SYN2: variants seen among roughly 807,000 people sequenced by gnomAD.
The protein encoded by SYN2 is synapsin II, also known as synapsin-2.
Under a neutral mutation model 50.9 loss-of-function variants are expected in SYN2, and 19 were observed. The ratio of observed to expected loss-of-function variants is 0.37; its 90% CI spans 0.26 to 0.55. The LOEUF (loss-of-function observed/expected upper bound fraction) is 0.55, where lower values mean the gene tolerates loss of function less well. Ranked by LOEUF, SYN2 falls within the 20% of genes least tolerant of loss-of-function variation. The pLI, the probability that SYN2 is intolerant of heterozygous loss-of-function variation, is 0.81. For synonymous variants in SYN2, 255 were observed against 224.9 expected (o/e 1.13, Z -1.20); for missense variants, 587 against 576.4 (o/e 1.02, Z -0.19).
chr3:12,161,633 T>C, intron 6 of SYN2, 25 bp downstream of exon 6: 1 of 1,613,860 alleles, frequency 6.2e-7, no homozygotes, highest in East Asian at 2.2e-5. Flanking sequence ...CCTGCTGTGC[T>C]TCAGGGTTGA....
rs527389662 is a variant in SYN2 at position 12,167,784 on chromosome 3, A to G, written c.1055+476A>G. On this transcript the variant is annotated intron_variant, in intron 8 of 12. Transcript: ENST00000621198. ...CAGAAGAAGACAGGAAGCCAAGGGA[A>G]AGTTCAGAACTTCTTAGAGACTGGT... Among the ~76,000 whole-genome samples the G allele has an allele frequency of 4.6e-5, 7 of 152,278 alleles. No homozygotes were observed. The South Asian group carries it at 8.3e-4, about 18-fold the overall frequency.
At chr3:12,077,475 C>G (rs1168948779) in intron 1 of SYN2, among the ~76,000 whole-genome samples, 1 of 152,120 alleles carries the variant, frequency 6.6e-6, no homozygotes, top group Non-Finnish European at 1.5e-5. Flanking sequence ...TCCCTTCCCC[C>G]ACCCAAATCC....
At chr3:12,116,780 C>G (rs940205508) in intron 1 of SYN2, among the ~76,000 whole-genome samples, 2 of 152,094 alleles carry the variant, frequency 1.3e-5, no homozygotes, top group African/African-American at 4.8e-5. Context: ...GACAGGGTCT[C>G]CATTCTCTTG....
chr3:12,024,318 A>G (rs1476375975), intron 1 of SYN2, among the ~76,000 whole-genome samples: 1 of 151,774 alleles, frequency 6.6e-6, no homozygotes, highest in Non-Finnish European at 1.5e-5. Flanking sequence ...CAACACGCCC[A>G]GCTAATTTTT....
At position 12,190,777 on chromosome 3, in the gene SYN2, C is replaced by T; in HGVS notation, c.*152C>T. On this transcript the variant is annotated 3_prime_UTR_variant, in exon 13 of 13. Coordinates refer to ENST00000621198, the MANE Select transcript of SYN2 (RefSeq NM_133625.6). Reference sequence around the variant, plus strand: ...TTGTACTAAGTGATGTTGTGCAGCCCAGAAAGGACCATTTGACAGTCTCAG... The same window carrying T: ...TTGTACTAAGTGATGTTGTGCAGCCTAGAAAGGACCATTTGACAGTCTCAG... 1 of 1,401,316 alleles carries T rather than the reference C, an allele frequency of 7.1e-7. No individual in the cohort carries two copies. Among genetic ancestry groups the T allele is most frequent in the Non-Finnish European group, 9.2e-7 (1 of 1,083,972 alleles). The allele number at this position is 1,401,316 out of a possible 1,614,324, so 86.8% of individuals were successfully genotyped here.
intron 1 of SYN2, among the ~76,000 whole-genome samples, chr3:12,006,115 A>C (rs1166653567): frequency 6.6e-6 from 1 of 151,626 alleles, no homozygotes; most frequent in African/African-American, 2.4e-5. Context: ...TGGCTGCTTC[A>C]CTGCTTTCTC....
intron 1 of SYN2, among the ~76,000 whole-genome samples, chr3:12,033,795 T>C (rs906491359): frequency 6.6e-6 from 1 of 152,234 alleles, no homozygotes; most frequent in African/African-American, 2.4e-5. Context: ...GCTTTTTTCA[T>C]CTTAGCATAA....
intron 7 of SYN2, 115 bp downstream of exon 7, chr3:12,162,269 A>G (rs1697673000): frequency 7.4e-7 from 1 of 1,352,624 alleles, no homozygotes; most frequent in Non-Finnish European, 1.0e-6. Context: ...AGATTTTTTT[A>G]CCTGGGTTCC....
chr3:12,026,870 C>G (rs1447941733), intron 1 of SYN2, among the ~76,000 whole-genome samples: 1 of 152,210 alleles, frequency 6.6e-6, no homozygotes, highest in Non-Finnish European at 1.5e-5. Flanking sequence ...CTGATCCACA[C>G]AGCAGTGTTT....
At chr3:12,028,404 C>T (rs921162855) in intron 1 of SYN2, among the ~76,000 whole-genome samples, 1 of 146,880 alleles carries the variant, frequency 6.8e-6, no homozygotes, top group Non-Finnish European at 1.5e-5. Context: ...AATGGGATGG[C>T]TGGGTCAAAT....
chr3:12,145,024 T>C (rs961299511), intron 3 of SYN2, among the ~76,000 whole-genome samples: 1 of 151,782 alleles, frequency 6.6e-6, no homozygotes, highest in Admixed American at 6.6e-5. Context: ...GAGCAAGACT[T>C]GTCTCAAAAA....
intron 1 of SYN2, among the ~76,000 whole-genome samples, chr3:12,113,840 T>G (rs961660691): frequency 5.9e-5 from 9 of 152,306 alleles, no homozygotes; most frequent in African/African-American, 2.2e-4. Context: ...TGTTTATCCA[T>G]TCATCAGTTG....
intron 1 of SYN2, among the ~76,000 whole-genome samples, chr3:12,113,675 T>A (rs1696372706): frequency 6.6e-6 from 1 of 152,214 alleles, no homozygotes; most frequent in Admixed American, 6.5e-5. Context: ...CTTATTCTAA[T>A]ATTTAATAAA....
rs1233890654 is a variant in SYN2 at position 12,161,579 on chromosome 3, A to G, written c.808A>G (p.Ile270Val). 4 of 1,613,996 alleles carry G rather than the reference A, an allele frequency of 2.5e-6. No homozygotes were observed. The highest frequency in any genetic ancestry group is 3.4e-6 in the Non-Finnish European group (4 of 1,179,878). Residue 270 changes from isoleucine to valine, a missense_variant, in exon 6 of 13, where the codon ATT becomes GTT. Ile to Val is a conservative substitution (Grantham distance 29). Coordinates refer to ENST00000621198, the MANE Select transcript of SYN2 (RefSeq NM_133625.6). ...GCCCACGTTCCCTGTGGTGGTGAAGATTGGCCACGCTCACTCAGGCATGGG... is the reference window on the plus strand; with the variant it reads ...GCCCACGTTCCCTGTGGTGGTGAAGGTTGGCCACGCTCACTCAGGCATGGG... Reference protein sequence around the residue: ...TLPTFPVVVKIGHAHSGMGKV... With the variant: ...TLPTFPVVVKVGHAHSGMGKV...
At chr3:12,021,835 TG>T (rs1273654360) in intron 1 of SYN2, among the ~76,000 whole-genome samples, 6 of 151,612 alleles carry the variant, frequency 4.0e-5, no homozygotes, top group Non-Finnish European at 8.8e-5. Flanking sequence ...GAGGCCGAGG[TG>T]GGCAGATGAC....
chr3:12,140,495 TGTG>T (rs1352092874), intron 1 of SYN2, among the ~76,000 whole-genome samples, 153 bp from the exon 2 acceptor site: 1 of 152,216 alleles, frequency 6.6e-6, no homozygotes, highest in Non-Finnish European at 1.5e-5. Flanking sequence ...TGGTTTGTCT[TGTG>T]GTGATCTCAT....
chr3:12,135,468 T>A (rs1185919292), intron 1 of SYN2, among the ~76,000 whole-genome samples: 1 of 152,204 alleles, frequency 6.6e-6, no homozygotes, highest in African/African-American at 2.4e-5. Flanking sequence ...CTGGACTGTT[T>A]ACAGAGCTCT....
chr3:12,077,310 A>T (rs578159652), intron 1 of SYN2, among the ~76,000 whole-genome samples: 39 of 151,824 alleles, frequency 2.6e-4, no homozygotes, highest in South Asian at 6.2e-4. Context: ...TTTTTTTTTA[A>T]AAAAAAATTA....
In SYN2 at chr3:12,144,109, C is replaced by G. The variant is rs552059264; in HGVS notation, c.528-1570C>G. Among the ~76,000 whole-genome samples the G allele has an allele frequency of 4.6e-5, 7 of 152,290 alleles. No individual in the cohort carries two copies. The South Asian group carries it at 1.2e-3, about 27-fold the overall frequency. On this transcript the variant is annotated intron_variant, in intron 3 of 12. Transcript: ENST00000621198. ...AGTAGATGCTGCCACAGAACTGATT[C>G]TCTGGGAAGGTGGGGTTTCTCTGAA...
Sources: gnomAD v4.1 joint callset for allele counts (sites outside exome capture counted in the v4.1 genomes callset) on GRCh38, gnomAD v4.1.1 for gene constraint, MANE v1.5 for transcripts, NCBI Gene and HGNC (gene_info 2026-07-23, HGNC 2026-07-21) for gene names.